The following LRP1B variants were observed in gnomAD, a reference collection of about 807,000 sequenced individuals.
LRP1B encodes LDL receptor related protein 1B.
A neutral mutation model predicts 556.6 loss-of-function variants in LRP1B; 217 were observed. That is an observed-to-expected ratio of 0.39 (90% confidence interval 0.35 to 0.44). LRP1B has a LOEUF of 0.44. Among genes scored for constraint, LRP1B ranks in the 20% least tolerant of loss-of-function variants. LRP1B has a pLI of 1.00. For missense variants in LRP1B, 5,053 were observed against 5,620.8 expected (o/e 0.90, Z 3.23); for synonymous variants, 2,047 against 1,865.8 (o/e 1.10, Z -2.50).
rs565591707 is a variant in LRP1B, at chr2:140,341,514, G to T, written c.11893-5676C>A. Among the ~76,000 whole-genome samples, 29 of 151,476 alleles carry T rather than the reference G, an allele frequency of 1.9e-4. No homozygotes were observed. The East Asian group carries it at 5.7e-3, about 30-fold the overall frequency. Reference sequence around the variant, plus strand: ...ACAAGATCAAGACCATTCTCCAGGTGATAATAAGTATAATAATAATATAAG... The same window carrying T: ...ACAAGATCAAGACCATTCTCCAGGTTATAATAAGTATAATAATAATATAAG... On this transcript the variant is annotated intron_variant, in intron 77 of 90. Transcript: ENST00000389484.
At chr2:140,554,194 G>A (rs996043356) in intron 43 of LRP1B, among the ~76,000 whole-genome samples, 4 of 152,062 alleles carry the variant, frequency 2.6e-5, no homozygotes, top group Admixed American at 1.3e-4. Context: ...TCTAAGGAGA[G>A]AAAAGGTAAA....
chr2:140,443,318 C>T (rs1686511153), intron 65 of LRP1B, among the ~76,000 whole-genome samples: 1 of 152,174 alleles, frequency 6.6e-6, no homozygotes, highest in Admixed American at 6.5e-5. Flanking sequence ...ACCTCGGCCT[C>T]CTAAAGTGCT....
At chr2:142,118,242 G>C (rs906780341) in intron 1 of LRP1B, among the ~76,000 whole-genome samples, 1 of 152,092 alleles carries the variant, frequency 6.6e-6, no homozygotes, top group Non-Finnish European at 1.5e-5. Flanking sequence ...ACAATGTCGT[G>C]ATGGAGCCAT....
At chr2:141,685,905 T>A (rs558052023) in intron 2 of LRP1B, among the ~76,000 whole-genome samples, 2 of 152,214 alleles carry the variant, frequency 1.3e-5, no homozygotes, top group East Asian at 3.9e-4. Flanking sequence ...ATATGACATG[T>A]AGCAAGTTTC....
At chr2:141,725,620 CATAA>C (rs1182865906) in intron 2 of LRP1B, among the ~76,000 whole-genome samples, 1 of 151,756 alleles carries the variant, frequency 6.6e-6, no homozygotes, top group East Asian at 1.9e-4. Flanking sequence ...TATAGGAATA[CATAA>C]ATAAATTAAA....
chr2:140,336,104 A>T (rs1387023986), intron 77 of LRP1B, among the ~76,000 whole-genome samples: 3 of 151,954 alleles, frequency 2.0e-5, no homozygotes, highest in African/African-American at 7.2e-5. Flanking sequence ...GAACCATAGG[A>T]GGTTCACCCG....
At chr2:140,750,494 C>A (rs1256982129) in intron 35 of LRP1B, among the ~76,000 whole-genome samples, 1 of 152,108 alleles carries the variant, frequency 6.6e-6, no homozygotes, top group Admixed American at 6.5e-5. Context: ...GCATATATAT[C>A]TATATCTGTA....
At chr2:140,455,321 C>T (rs528997345) in intron 62 of LRP1B, among the ~76,000 whole-genome samples, 5 of 152,162 alleles carry the variant, frequency 3.3e-5, no homozygotes, top group African/African-American at 1.2e-4. Flanking sequence ...GGGCAGCTCA[C>T]ACTAATTATA....
intron 17 of LRP1B, among the ~76,000 whole-genome samples, chr2:140,987,468 T>C (rs532781308): frequency 6.6e-6 from 1 of 152,280 alleles, no homozygotes; most frequent in East Asian, 1.9e-4. Context: ...TTTGCTCTTA[T>C]ACATAAACGT....
intron 17 of LRP1B, among the ~76,000 whole-genome samples, chr2:140,984,882 G>A (rs1696871858): frequency 6.6e-6 from 1 of 151,942 alleles, no homozygotes; most frequent in Non-Finnish European, 1.5e-5. Context: ...AAACCCCCAA[G>A]GACTGTTTAT....
At chr2:141,143,738 A>T (rs968056061) in intron 7 of LRP1B, among the ~76,000 whole-genome samples, 3 of 151,586 alleles carry the variant, frequency 2.0e-5, no homozygotes, top group Admixed American at 6.6e-5. Context: ...TCAACTCTCA[A>T]CCTCTTGAGC....
chr2:141,145,291 G>C (rs1465992423), intron 7 of LRP1B, among the ~76,000 whole-genome samples: 2 of 151,890 alleles, frequency 1.3e-5, no homozygotes, highest in African/African-American at 2.4e-5. Context: ...TTAGTTCTAC[G>C]TGTGCTAATT....
chr2:140,703,305 A>G (rs1013419411), intron 37 of LRP1B, among the ~76,000 whole-genome samples: 9 of 152,190 alleles, frequency 5.9e-5, no homozygotes, highest in Non-Finnish European at 1.3e-4. Flanking sequence ...GTCATGCAGA[A>G]AGAACACATA....
intron 1 of LRP1B, among the ~76,000 whole-genome samples, chr2:142,109,437 T>C (rs1167459544): frequency 2.0e-5 from 3 of 152,290 alleles, no homozygotes; most frequent in East Asian, 3.9e-4. Flanking sequence ...TTTTAATTTC[T>C]TTTTCTCCTA....
intron 3 of LRP1B, among the ~76,000 whole-genome samples, chr2:141,453,826 A>C (rs1242664479): frequency 6.6e-6 from 1 of 151,670 alleles, no homozygotes; most frequent in African/African-American, 2.4e-5. Flanking sequence ...AGGCAGGAGA[A>C]TTGCTTGAAC....
chr2:141,213,023 GT>G, intron 6 of LRP1B, among the ~76,000 whole-genome samples: 1 of 152,226 alleles, frequency 6.6e-6, no homozygotes, highest in Non-Finnish European at 1.5e-5. Flanking sequence ...CTGGAGTACA[GT>G]GGTTCAATCA....
chr2:141,736,055 A>C (rs1693453580), intron 2 of LRP1B, among the ~76,000 whole-genome samples: 1 of 152,164 alleles, frequency 6.6e-6, no homozygotes, highest in Non-Finnish European at 1.5e-5. Context: ...TGCTGGAGAC[A>C]CTGGGAACAA....
At chr2:140,548,058 A>G (rs1680412276) in intron 43 of LRP1B, among the ~76,000 whole-genome samples, 2 of 152,096 alleles carry the variant, frequency 1.3e-5, no homozygotes, top group African/African-American at 2.4e-5. Context: ...TAATGCATAT[A>G]ATGATTCTAG....
intron 1 of LRP1B, among the ~76,000 whole-genome samples, chr2:142,008,518 C>CTT (rs1206192277): frequency 1.4e-5 from 2 of 139,016 alleles, no homozygotes; most frequent in African/African-American, 5.2e-5. Context: ...GACATGGTGA[C>CTT]TTTTTTTTTT....
Sources: allele counts gnomAD v4.1 joint callset (sites outside exome capture counted in the v4.1 genomes callset), GRCh38; gene constraint gnomAD v4.1.1; transcripts MANE v1.5; gene names NCBI Gene and HGNC (gene_info 2026-07-23, HGNC 2026-07-21).